The following LIMS4 variants were observed in gnomAD, a reference collection of about 807,000 sequenced individuals.
The protein encoded by LIMS4 is LIM and senescent cell antigen-like-containing domain protein 4.
the LIMS4 span, among the ~76,000 whole-genome samples, chr2:110,425,016 G>A: frequency 7.0e-6 from 1 of 143,590 alleles, no homozygotes; most frequent in Non-Finnish European, 1.5e-5. Flanking sequence ...GGTCAGCTTT[G>A]CGGAAGCTTT....
chr2:110,365,485 G>GA, the LIMS4 span, among the ~76,000 whole-genome samples: 3 of 126,786 alleles, frequency 2.4e-5, no homozygotes, highest in Non-Finnish European at 3.1e-5. Context: ...CAAAACCAAA[G>GA]AAAAAAAAGA....
chr2:110,392,425 T>G, the LIMS4 span, among the ~76,000 whole-genome samples: 1 of 145,156 alleles, frequency 6.9e-6, no homozygotes, highest in African/African-American at 2.6e-5. Flanking sequence ...GGCGACAGAG[T>G]GAGTCCGTCT....
At chr2:110,391,764 C>T in the LIMS4 span, among the ~76,000 whole-genome samples, 1 of 132,598 alleles carries the variant, frequency 7.5e-6, no homozygotes, top group Non-Finnish European at 1.5e-5. Flanking sequence ...AAGAAAGGTA[C>T]TTGGGTTTTA....
At chr2:110,427,490 T>TTTTTC in the LIMS4 span, among the ~76,000 whole-genome samples, 1 of 13,850 alleles carries the variant, frequency 7.2e-5, no homozygotes, top group Non-Finnish European at 1.3e-4. Flanking sequence ...TTTTAAGTCT[T>TTTTTC]TTTTCTTTTC....
At chr2:110,424,725 A>C in the LIMS4 span, among the ~76,000 whole-genome samples, 1 of 143,956 alleles carries the variant, frequency 6.9e-6, no homozygotes, top group African/African-American at 2.8e-5. Context: ...AAGTGAAGCC[A>C]GCTGGACTCC....
the LIMS4 span, among the ~76,000 whole-genome samples, chr2:110,418,746 C>A: frequency 2.2e-5 from 1 of 45,378 alleles, no homozygotes; most frequent in African/African-American, 1.2e-4. Context: ...GCCTCCACCT[C>A]CAAGCTCAAG....
At chr2:110,362,626 G>C in the LIMS4 span, 1 of 826,992 alleles carries the variant, frequency 1.2e-6, no homozygotes, top group Non-Finnish European at 1.9e-6. Flanking sequence ...GTTCAAAGGA[G>C]TCCCTACACT....
At chr2:110,361,731 A>G in the LIMS4 span, 1 of 681,816 alleles carries the variant, frequency 1.5e-6, no homozygotes, top group Non-Finnish European at 2.5e-6. Flanking sequence ...TGTTGGTCAA[A>G]GTGGCGATAC....
the LIMS4 span, among the ~76,000 whole-genome samples, chr2:110,391,136 G>C: frequency 6.7e-6 from 1 of 149,934 alleles, no homozygotes; most frequent in South Asian, 2.1e-4. Context: ...GCTGGAGGGA[G>C]CTGGGGGGAG....
chr2:110,395,728 G>A, the LIMS4 span, among the ~76,000 whole-genome samples: 11 of 82,154 alleles, frequency 1.3e-4, 1 homozygote, highest in African/African-American at 1.9e-4. Context: ...ATGGGTGATG[G>A]AACAGCCCTG....
At chr2:110,360,450 G>GAT in the LIMS4 span, among the ~76,000 whole-genome samples, 3 of 91,032 alleles carry the variant, frequency 3.3e-5, no homozygotes, top group Admixed American at 1.2e-4. Context: ...ACTTAATGAG[G>GAT]ATATATATGA....
the LIMS4 span, chr2:110,361,291 G>A: frequency 1.4e-6 from 2 of 1,464,464 alleles, 1 homozygote. Context: ...GGTTGTGCCA[G>A]CACAGGCTGT....
chr2:110,391,055 T>G, the LIMS4 span, among the ~76,000 whole-genome samples: 2 of 132,342 alleles, frequency 1.5e-5, no homozygotes, highest in East Asian at 2.3e-4. Context: ...TGTGGGGAGG[T>G]GGAACTGTGC....
chr2:110,361,374 C>T, the LIMS4 span: 163,587 of 702,432 alleles, frequency 0.23, 93 homozygotes, highest in East Asian at 0.33. Flanking sequence ...TCCTTCCTGA[C>T]GTGGGATATG....
the LIMS4 span, among the ~76,000 whole-genome samples, chr2:110,366,603 C>G: frequency 1.3e-5 from 2 of 151,942 alleles, no homozygotes; most frequent in Non-Finnish European, 2.9e-5. Context: ...CAGGCAGAAG[C>G]TGGGATCATT....
the LIMS4 span, among the ~76,000 whole-genome samples, chr2:110,372,711 G>A: frequency 6.7e-6 from 1 of 148,826 alleles, no homozygotes; most frequent in Non-Finnish European, 1.5e-5. Context: ...TTGCCATGTT[G>A]GCCATGTTGG....
the LIMS4 span, among the ~76,000 whole-genome samples, chr2:110,392,234 T>G: frequency 6.6e-6 from 1 of 151,402 alleles, no homozygotes; most frequent in African/African-American, 2.5e-5. Context: ...GTGTCTGGGT[T>G]GTAGGTGGAG....
the LIMS4 span, among the ~76,000 whole-genome samples, chr2:110,382,118 TATATATATATATATA>T: frequency 1.8e-4 from 14 of 77,962 alleles, no homozygotes; most frequent in African/African-American, 1.3e-3. Context: ...TATATATATA[TATATATATATATATA>T]TATATATATA....
the LIMS4 span, chr2:110,361,370 C>G: frequency 1.2e-6 from 1 of 815,214 alleles, no homozygotes; most frequent in Non-Finnish European, 2.2e-6. Flanking sequence ...ATGCTCCTTC[C>G]TGACGTGGGA....
Sources: allele counts gnomAD v4.1 joint callset (sites outside exome capture counted in the v4.1 genomes callset), GRCh38; gene constraint gnomAD v4.1.1; transcripts MANE v1.5; gene names NCBI Gene and HGNC (gene_info 2026-07-23, HGNC 2026-07-21).